The following VTI1A variants were observed in gnomAD, a reference collection of about 807,000 sequenced individuals.
VTI1A encodes vesicle transport through interaction with t-SNAREs homolog 1A.
A neutral mutation model predicts 34.9 loss-of-function variants in VTI1A; 22 were observed. That is an observed-to-expected ratio of 0.63 (90% CI 0.45 to 0.90). VTI1A has a LOEUF of 0.90. VTI1A is among the 40% of genes least tolerant of loss of function. VTI1A has a pLI of 0.00. For synonymous variants in VTI1A, 87 were observed against 97.3 expected, an observed-to-expected ratio of 0.89 and a Z score of 0.62; for missense variants, 268 against 275.6, an observed-to-expected ratio of 0.97 and a Z score of 0.20.
chr10:112,744,419 A>G (rs1850811472), intron 7 of VTI1A, among the ~76,000 whole-genome samples: 1 of 150,712 alleles, frequency 6.6e-6, no homozygotes, highest in African/African-American at 2.5e-5. Context: ...GATATGGAAC[A>G]TATGGCATAT....
chr10:112,699,336 G>C (rs555817148), intron 7 of VTI1A, among the ~76,000 whole-genome samples: 1 of 152,216 alleles, frequency 6.6e-6, no homozygotes, highest in Non-Finnish European at 1.5e-5. Context: ...AGATCAAGGT[G>C]CTGGCAGATC....
intron 7 of VTI1A, among the ~76,000 whole-genome samples, chr10:112,746,862 G>A (rs1325928791): frequency 1.6e-4 from 25 of 152,172 alleles, no homozygotes; most frequent in Admixed American, 1.6e-3. Context: ...GAACTAGAAG[G>A]TTGCATGATA....
the VTI1A span, among the ~76,000 whole-genome samples, chr10:112,842,702 G>T: frequency 6.6e-5 from 10 of 152,304 alleles, no homozygotes; most frequent in South Asian, 6.2e-4. Flanking sequence ...CGTGTAGGTG[G>T]ATCACAGACA....
At chr10:112,724,433 G>A (rs951315760) in intron 7 of VTI1A, among the ~76,000 whole-genome samples, 7 of 152,092 alleles carry the variant, frequency 4.6e-5, no homozygotes, top group African/African-American at 1.7e-4. Context: ...GGTTAAAGAG[G>A]ACACCAAACT....
chr10:112,821,718 C>T (rs1049040316), downstream of VTI1A, among the ~76,000 whole-genome samples: 49 of 152,344 alleles, frequency 3.2e-4, no homozygotes, highest in African/African-American at 1.2e-3. Flanking sequence ...GGCTAGGACT[C>T]ACCACCTCCT....
rs1409447370 is a variant in VTI1A, at chr10:112,815,694, C to G, written c.*311C>G. 1 of 359,038 alleles carries G rather than the reference C, an allele frequency of 2.8e-6. No individual in the cohort carries two copies. The highest frequency in any genetic ancestry group is 5.2e-6 in the Non-Finnish European group (1 of 192,682). 22.2% of individuals were successfully genotyped at this position (359,038 alleles called of 1,614,324 possible). ...CCAGTGACACTCCTAGCCCTCTGGACGTGTCAAGGGCCGTGGTTTGGGAGA... is the reference window on the plus strand; with the variant it reads ...CCAGTGACACTCCTAGCCCTCTGGAGGTGTCAAGGGCCGTGGTTTGGGAGA... On this transcript the variant is annotated 3_prime_UTR_variant, in exon 8 of 8. Transcript: ENST00000393077.
At chr10:112,808,862 G>A (rs1853186422) in intron 7 of VTI1A, among the ~76,000 whole-genome samples, 3 of 152,154 alleles carry the variant, frequency 2.0e-5, no homozygotes, top group African/African-American at 7.2e-5. Context: ...CGGTATGGTA[G>A]TAAGAATGGT....
intron 5 of VTI1A, among the ~76,000 whole-genome samples, chr10:112,580,464 G>A (rs748103774): frequency 8.5e-5 from 13 of 152,106 alleles, no homozygotes; most frequent in Non-Finnish European, 1.6e-4. Context: ...CTGAACCATC[G>A]CAAAGGCCCA....
At chr10:112,572,009 G>C (rs1284173206) in intron 5 of VTI1A, among the ~76,000 whole-genome samples, 1 of 152,110 alleles carries the variant, frequency 6.6e-6, no homozygotes, top group Admixed American at 6.6e-5. Flanking sequence ...GGGCACAAAG[G>C]CTGAAAAATT....
chr10:112,454,193 C>T (rs927060228), intron 1 of VTI1A, among the ~76,000 whole-genome samples: 9 of 152,204 alleles, frequency 5.9e-5, no homozygotes, highest in African/African-American at 2.2e-4. Context: ...AACATATCTA[C>T]ATTGCACAAA....
At chr10:112,796,301 G>A (rs1419720119) in intron 7 of VTI1A, among the ~76,000 whole-genome samples, 1 of 151,872 alleles carries the variant, frequency 6.6e-6, no homozygotes, top group Non-Finnish European at 1.5e-5. Context: ...AGCTACTCGG[G>A]AGGCTGAGGC....
chr10:112,697,533 A>G (rs1270632661), intron 7 of VTI1A, among the ~76,000 whole-genome samples: 10 of 150,944 alleles, frequency 6.6e-5, no homozygotes, highest in Admixed American at 6.6e-4. Context: ...AGTAGCTGGG[A>G]TTACAGGCAT....
chr10:112,723,968 G>A (rs1383431968), intron 7 of VTI1A, among the ~76,000 whole-genome samples: 1 of 152,172 alleles, frequency 6.6e-6, no homozygotes, highest in Non-Finnish European at 1.5e-5. Flanking sequence ...GGAGCTCAAA[G>A]GATTGTAAAG....
intron 5 of VTI1A, among the ~76,000 whole-genome samples, chr10:112,583,465 G>A (rs140596577): frequency 2.0e-5 from 3 of 152,314 alleles, no homozygotes; most frequent in Admixed American, 6.5e-5. Context: ...ATGCAGTTCC[G>A]TCTTTCAGTC....
At chr10:112,665,437 GA>G (rs1346157029) in intron 5 of VTI1A, among the ~76,000 whole-genome samples, 1 of 152,062 alleles carries the variant, frequency 6.6e-6, no homozygotes, top group East Asian at 1.9e-4. Flanking sequence ...AGTTAGAAAT[GA>G]AAAAAGAATT....
chr10:112,770,422 G>A, intron 7 of VTI1A, among the ~76,000 whole-genome samples: 1 of 150,808 alleles, frequency 6.6e-6, no homozygotes, highest in African/African-American at 2.4e-5. Flanking sequence ...TTGAGACGGA[G>A]TCTTGCTCTG....
rs559993420 is a variant in VTI1A at position 112,466,852 on chromosome 10, G to A, written c.264+2195G>A. On this transcript the variant is annotated intron_variant, in intron 3 of 7. Transcript: ENST00000393077. Reference sequence around the variant, plus strand: ...CTGGAAACTGAAGTTGGAGTTCAAGGTGTTGGCAGGTGTGGTTCCTTTTGA... The same window carrying A: ...CTGGAAACTGAAGTTGGAGTTCAAGATGTTGGCAGGTGTGGTTCCTTTTGA... Among the ~76,000 whole-genome samples, 13 of 152,298 alleles carry A rather than the reference G, an allele frequency of 8.5e-5. No individual in the cohort carries two copies. In the East Asian group the frequency reaches 2.5e-3, roughly 29 times the overall value.
Position 112,636,058 on chromosome 10 carries a change from A to G in VTI1A, c.428-32160A>G, listed in dbSNP as rs184050764. On this transcript the variant is annotated intron_variant, in intron 5 of 7. Transcript: ENST00000393077. ...TACAAAGTAAGAACTTGAACTGCCA[A>G]TAATTATGGGTTGAGATGAGGCAGC... is the stretch of plus-strand genomic sequence containing the variant. Among the ~76,000 whole-genome samples, 10 of 152,364 alleles carry G rather than the reference A, an allele frequency of 6.6e-5. No homozygotes were observed. In the East Asian group the frequency reaches 9.6e-4, roughly 15 times the overall value.
Position 112,630,086 on chromosome 10 carries a change from A to G in VTI1A, c.428-38132A>G, listed in dbSNP as rs367664341. On this transcript the variant is annotated intron_variant, in intron 5 of 7. Transcript: ENST00000393077. ...TCTCGAAATGCCCACTTCGTTCCCA[A>G]TTGATCAAAAGATGAAGGTTCCAGA... Among the ~76,000 whole-genome samples, 52 of 152,314 alleles carry G rather than the reference A, an allele frequency of 3.4e-4. No individual in the cohort carries two copies. In the South Asian group the frequency reaches 0.011, roughly 31 times the overall value.
Sources: allele counts gnomAD v4.1 joint callset (sites outside exome capture counted in the v4.1 genomes callset), GRCh38; gene constraint gnomAD v4.1.1; transcripts MANE v1.5; gene names NCBI Gene and HGNC (gene_info 2026-07-23, HGNC 2026-07-21).